Variants in SENP7 observed in about 807,000 individuals in gnomAD.
The protein encoded by SENP7 is SUMO specific peptidase 7.
SENP7 carries 64 observed loss-of-function variants against 141.2 expected under a neutral mutation model. The ratio of observed to expected loss-of-function variants is 0.45; its 90% confidence interval spans 0.37 to 0.56. The LOEUF is 0.56. SENP7 is among the 20% of genes least tolerant of loss of function. The pLI is 0.00. For synonymous variants in SENP7, 382 were observed against 426.4 expected, an observed-to-expected ratio of 0.90 and a Z score of 1.28; for missense variants, 1,025 against 1,212.2, an observed-to-expected ratio of 0.85 and a Z score of 2.29.
intron 4 of SENP7, among the ~76,000 whole-genome samples, chr3:101,421,978 G>A (rs2061802781): frequency 6.6e-6 from 1 of 152,140 alleles, no homozygotes; most frequent in Non-Finnish European, 1.5e-5. Context: ...TAAAGCAGGG[G>A]TCCCCAGCCC....
intron 13 of SENP7, among the ~76,000 whole-genome samples, chr3:101,347,101 A>G (rs1329501843): frequency 1.3e-5 from 2 of 152,026 alleles, no homozygotes; most frequent in Non-Finnish European, 2.9e-5. Context: ...GCACCCCTGT[A>G]GTCCCAGCTA....
chr3:101,511,647 A>C (rs2065862171), intron 1 of SENP7, among the ~76,000 whole-genome samples: 1 of 152,200 alleles, frequency 6.6e-6, no homozygotes. Flanking sequence ...CACCAAGAAC[A>C]TCGATAACAT....
At chr3:101,473,714 G>C (rs1479678317) in intron 3 of SENP7, among the ~76,000 whole-genome samples, 1 of 152,086 alleles carries the variant, frequency 6.6e-6, no homozygotes, top group Non-Finnish European at 1.5e-5. Flanking sequence ...AGTTTCTTTT[G>C]GTGTGCAGAA....
At chr3:101,464,324 G>A (rs1333464939) in intron 3 of SENP7, among the ~76,000 whole-genome samples, 1 of 152,136 alleles carries the variant, frequency 6.6e-6, no homozygotes, top group East Asian at 1.9e-4. Context: ...CCAGGCCATG[G>A]ACTGGTATTG....
chr3:101,508,926 C>T (rs2065738507), intron 1 of SENP7, among the ~76,000 whole-genome samples: 1 of 152,150 alleles, frequency 6.6e-6, no homozygotes, highest in Non-Finnish European at 1.5e-5. Flanking sequence ...ATTCCCAGTA[C>T]CATTTAAAAG....
At chr3:101,477,956 G>T (rs918200609) in intron 3 of SENP7, among the ~76,000 whole-genome samples, 3 of 151,418 alleles carry the variant, frequency 2.0e-5, no homozygotes, top group African/African-American at 7.3e-5. Flanking sequence ...AAAAAGCGTT[G>T]TTTTTTTTAA....
At chr3:101,350,645 G>A (rs182928237) in intron 12 of SENP7, among the ~76,000 whole-genome samples, 41 of 151,936 alleles carry the variant, frequency 2.7e-4, no homozygotes, top group African/African-American at 8.4e-4. Flanking sequence ...CTAAAATATC[G>A]TTTTTGATGT....
chr3:101,364,218 C>A (rs1386360834), intron 10 of SENP7, among the ~76,000 whole-genome samples: 2 of 114,110 alleles, frequency 1.8e-5, no homozygotes, highest in African/African-American at 6.6e-5. Context: ...CAGGGCAAGA[C>A]CTTGTCTCAA....
intron 11 of SENP7, among the ~76,000 whole-genome samples, chr3:101,359,741 A>G (rs1433315407): frequency 6.6e-6 from 1 of 152,062 alleles, no homozygotes; most frequent in Non-Finnish European, 1.5e-5. Context: ...TAATGTATCT[A>G]TATATGTATG....
chr3:101,402,206 G>C (rs921735649), intron 5 of SENP7, among the ~76,000 whole-genome samples: 1 of 152,122 alleles, frequency 6.6e-6, no homozygotes, highest in Non-Finnish European at 1.5e-5. Context: ...ACCTAGAAAG[G>C]AAAAGTCAAT....
At chr3:101,350,637 A>G (rs919325319) in intron 12 of SENP7, among the ~76,000 whole-genome samples, 1 of 152,088 alleles carries the variant, frequency 6.6e-6, no homozygotes, top group Admixed American at 6.6e-5. Context: ...GTGAAAATCT[A>G]AAATATCGTT....
intron 6 of SENP7, among the ~76,000 whole-genome samples, chr3:101,380,443 C>A (rs56857432): frequency 1.1e-5 from 1 of 94,204 alleles, no homozygotes; most frequent in Non-Finnish European, 2.3e-5. Context: ...CCGCCCCCCC[C>A]CCCACACACA....
intron 3 of SENP7, among the ~76,000 whole-genome samples, chr3:101,474,617 G>C (rs1443944639): frequency 6.6e-6 from 1 of 152,056 alleles, no homozygotes; most frequent in Admixed American, 6.6e-5. Flanking sequence ...GGATCATGCT[G>C]TCTGCAAATA....
rs768572469 is a variant in SENP7, at chr3:101,459,047, T to G, written c.192A>C (p.Glu64Asp). Residue 64 changes from glutamate to aspartate, a missense_variant, in exon 4 of 24, where the codon GAA becomes GAC. Around this residue, in one of 4 missense-constraint regions of SENP7, gnomAD observed 496 missense variants for 503.5 expected, o/e 0.99. Coordinates refer to ENST00000394095, the MANE Select transcript of SENP7 (RefSeq NM_020654.5). ...AGATGACTTTATTCCTTAGGCTTCT[T>G]TCCCACTAGGAAAAAAAAAATGAAA... is the stretch of plus-strand genomic sequence containing the variant. ...SERWTLPLQWERSLRNKVISL... is the reference protein window; with the variant it reads ...SERWTLPLQWDRSLRNKVISL... The G allele has an allele frequency of 3.2e-6, 5 of 1,566,026 alleles. No individual in the cohort carries two copies. The highest frequency in any genetic ancestry group is 1.8e-5 in the Admixed American group (1 of 54,872).
chr3:101,364,147 A>AG (rs1295558761), intron 10 of SENP7, among the ~76,000 whole-genome samples: 14 of 152,232 alleles, frequency 9.2e-5, no homozygotes, highest in African/African-American at 3.4e-4. Flanking sequence ...GGGATGCTTG[A>AG]GCCCAAGAGG....
intron 3 of SENP7, among the ~76,000 whole-genome samples, chr3:101,463,364 A>ATATATATATATATAT (rs1553744608): frequency 1.1e-5 from 1 of 89,248 alleles, no homozygotes; most frequent in African/African-American, 4.1e-5. Context: ...TAAATAAATA[A>ATATATATATATATAT]ATATATATAT....
At chr3:101,340,325 G>A (rs545448760) in intron 15 of SENP7, 114 bp from the exon 16 acceptor site, 70 of 1,281,900 alleles carry the variant, frequency 5.5e-5, no homozygotes, top group Admixed American at 1.4e-4. Context: ...AAATCTGTAG[G>A]GTAAAAAACA....
chr3:101,480,494 A>G (rs893588926), intron 3 of SENP7, among the ~76,000 whole-genome samples: 2 of 152,168 alleles, frequency 1.3e-5, no homozygotes, highest in Non-Finnish European at 2.9e-5. Context: ...CCAGACCCCT[A>G]TTCCTCACCA....
At chr3:101,385,046 G>A (rs1576176681) in intron 6 of SENP7, among the ~76,000 whole-genome samples, 1 of 151,962 alleles carries the variant, frequency 6.6e-6, no homozygotes, top group Non-Finnish European at 1.5e-5. Flanking sequence ...TTTTGCCTAC[G>A]GCTTATCAAA....
Sources: allele counts gnomAD v4.1 joint callset (sites outside exome capture counted in the v4.1 genomes callset), GRCh38; gene constraint gnomAD v4.1.1; regional missense constraint gnomAD v4.1.1; transcripts MANE v1.5; gene names NCBI Gene and HGNC (gene_info 2026-07-23, HGNC 2026-07-21).